The following OTUD7A variants were observed in gnomAD, a reference collection of about 807,000 sequenced individuals.
The protein encoded by OTUD7A is OTU deubiquitinase 7A, also known as OTU domain-containing protein 7A.
OTUD7A carries 12 observed loss-of-function variants against 65.7 expected under a neutral mutation model. That is an observed-to-expected ratio of 0.18 (90% CI 0.12 to 0.30). OTUD7A has a LOEUF of 0.30. Among genes scored for constraint, OTUD7A ranks in the 10% least tolerant of loss-of-function variants. The pLI, the probability that OTUD7A is intolerant of heterozygous loss-of-function variation, is 1.00. For missense variants in OTUD7A, 1,148 were observed against 1,304.8 expected (o/e 0.88, Z 1.85); for synonymous variants, 641 against 586.3 (o/e 1.09, Z -1.35).
intron 3 of OTUD7A, among the ~76,000 whole-genome samples, chr15:31,654,148 G>T (rs1463374131): frequency 1.1e-5 from 1 of 88,762 alleles, no homozygotes; most frequent in Non-Finnish European, 2.3e-5. Flanking sequence ...AACTGACAGG[G>T]AGACATTATA....
At chr15:31,506,746 C>T (rs774004904) in intron 8 of OTUD7A, among the ~76,000 whole-genome samples, 26 of 152,142 alleles carry the variant, frequency 1.7e-4, no homozygotes, top group Non-Finnish European at 3.4e-4. Context: ...CCATGAGAGG[C>T]ACAGTGTAAG....
intron 3 of OTUD7A, among the ~76,000 whole-genome samples, chr15:31,633,108 C>T (rs1003079614): frequency 1.3e-5 from 2 of 152,232 alleles, no homozygotes; most frequent in Non-Finnish European, 2.9e-5. Context: ...TCGGCCCACG[C>T]ACAGTGCGCT....
At chr15:31,869,692 A>G (rs1275538480) in intron 1 of OTUD7A, among the ~76,000 whole-genome samples, 5 of 152,332 alleles carry the variant, frequency 3.3e-5, no homozygotes, top group Non-Finnish European at 1.5e-5. Context: ...TGTGTGAGGT[A>G]GCTGAGTTTA....
intron 1 of OTUD7A, among the ~76,000 whole-genome samples, chr15:31,671,972 G>A (rs8041114): frequency 0.34 from 51,569 of 151,948 alleles, 11,515 homozygotes; most frequent in African/African-American, 0.64. Context: ...CTTTGAGTCC[G>A]TGTGTACTTA....
chr15:31,521,181 G>A (rs945792043), intron 8 of OTUD7A, among the ~76,000 whole-genome samples: 9 of 152,132 alleles, frequency 5.9e-5, no homozygotes, highest in African/African-American at 1.9e-4. Flanking sequence ...TTCACTACTT[G>A]GGTAATGGGT....
intron 1 of OTUD7A, among the ~76,000 whole-genome samples, chr15:31,806,122 G>A (rs1173819544): frequency 1.3e-5 from 2 of 152,140 alleles, no homozygotes; most frequent in Non-Finnish European, 2.9e-5. Flanking sequence ...TTCCAATCCT[G>A]AAACCTCTGG....
chr15:31,691,091 G>C (rs1480999344), intron 1 of OTUD7A, among the ~76,000 whole-genome samples: 1 of 152,166 alleles, frequency 6.6e-6, no homozygotes, highest in African/African-American at 2.4e-5. Context: ...TCAACAGGAA[G>C]AACCTGAAAA....
intron 1 of OTUD7A, among the ~76,000 whole-genome samples, chr15:31,711,414 CAT>C (rs763705409): frequency 3.0e-4 from 46 of 151,838 alleles, no homozygotes; most frequent in Admixed American, 6.5e-4. Flanking sequence ...CCACATAAAA[CAT>C]GTTTTCCTTC....
chr15:31,559,222 T>C, intron 4 of OTUD7A, 35 bp from the exon 5 acceptor site: 1 of 1,590,108 alleles, frequency 6.3e-7, no homozygotes, highest in Non-Finnish European at 8.6e-7. Context: ...CCCCAAGGGC[T>C]GAGTGGGTGT....
rs1041621672 is a variant in OTUD7A, at chr15:31,575,845, G to A, written c.152-5648C>T. Among the ~76,000 whole-genome samples, 14 of 152,226 alleles carry A rather than the reference G, an allele frequency of 9.2e-5. 1 individual carries two copies. Among genetic ancestry groups the A allele is most frequent in the Non-Finnish European group, 1.8e-4 (12 of 68,046 alleles). On this transcript the variant is annotated intron_variant, in intron 3 of 12. Coordinates refer to ENST00000307050, the MANE Select transcript of OTUD7A (RefSeq NM_001382637.1). ...GGAGGCAGAGAGCTGGACATAGTCC[G>A]TGAAGGGCATTAGTGCTGAATACAC...
chr15:31,688,944 CTCAG>C (rs904790432), intron 1 of OTUD7A, among the ~76,000 whole-genome samples: 3 of 152,136 alleles, frequency 2.0e-5, no homozygotes, highest in Non-Finnish European at 4.4e-5. Context: ...TGGTTATGCT[CTCAG>C]TCAGATTAAA....
intron 4 of OTUD7A, among the ~76,000 whole-genome samples, chr15:31,562,595 TA>T (rs537467102): frequency 7.9e-4 from 114 of 144,408 alleles, no homozygotes; most frequent in South Asian, 3.9e-3. Context: ...AACTGTGAGT[TA>T]AAAAAAAAAA....
intron 1 of OTUD7A, among the ~76,000 whole-genome samples, chr15:31,673,187 A>C (rs7172322): frequency 3.3e-5 from 5 of 152,200 alleles, no homozygotes; most frequent in African/African-American, 1.2e-4. Flanking sequence ...AAGCTCCTTG[A>C]CTTATGATGG....
intron 1 of OTUD7A, among the ~76,000 whole-genome samples, chr15:31,860,677 G>GTATATATATATATATATATATGTATGTA: frequency 1.4e-5 from 1 of 73,284 alleles, no homozygotes; most frequent in African/African-American, 4.6e-5. Context: ...ATGTATGTGT[G>GTATATATATATATATATATATGTATGTA]TATATATATA....
At chr15:31,563,269 CT>C (rs1332575754) in intron 4 of OTUD7A, among the ~76,000 whole-genome samples, 4 of 152,216 alleles carry the variant, frequency 2.6e-5, no homozygotes, top group African/African-American at 9.7e-5. Flanking sequence ...TGGATTGCTG[CT>C]GCCTGAAAGA....
Position 31,487,368 on chromosome 15 carries a change from A to AT in OTUD7A, c.1286+83_1286+84insA. 6.3e-7 allele frequency: 1 copy of AT among 1,576,166 alleles called. No homozygotes were observed. The highest frequency in any genetic ancestry group is 8.7e-7 in the Non-Finnish European group (1 of 1,149,654). ...GCATGCCAGCTGTCCCAGGAGGAGC[A>AT]GGGGTGGTACATTCCCTCCCCAGGA... On this transcript the variant is annotated intron_variant, in intron 11 of 12. Coordinates refer to ENST00000307050, the MANE Select transcript of OTUD7A (RefSeq NM_001382637.1). This position sits in a 1 kb window ranked among gnomAD's most constrained non-coding sequence, Gnocchi z 6.0.
chr15:31,755,104 T>C (rs1894774376), intron 1 of OTUD7A, among the ~76,000 whole-genome samples: 1 of 150,968 alleles, frequency 6.6e-6, no homozygotes, highest in African/African-American at 2.4e-5. Flanking sequence ...GAGATAATTC[T>C]ATTTAAGGAG....
At chr15:31,599,206 G>T (rs1461016766) in intron 3 of OTUD7A, among the ~76,000 whole-genome samples, 1 of 152,206 alleles carries the variant, frequency 6.6e-6, no homozygotes, top group Non-Finnish European at 1.5e-5. Context: ...TGTGTATCCT[G>T]ACTGGGAGAC....
intron 8 of OTUD7A, among the ~76,000 whole-genome samples, chr15:31,513,702 T>A (rs1025756426): frequency 2.0e-5 from 3 of 152,178 alleles, no homozygotes; most frequent in African/African-American, 7.2e-5. Context: ...GATTGTCCCA[T>A]CACTGGTGAG....
Sources: allele counts gnomAD v4.1 joint callset (sites outside exome capture counted in the v4.1 genomes callset), GRCh38; gene constraint gnomAD v4.1.1; non-coding constraint Gnocchi (gnomAD v3.1); transcripts MANE v1.5; gene names NCBI Gene and HGNC (gene_info 2026-07-23, HGNC 2026-07-21).